ELOVL7: variants seen among roughly 807,000 people sequenced by gnomAD.
The protein encoded by ELOVL7 is very long chain fatty acid elongase 7.
In ELOVL7, 27 loss-of-function variants were observed where a neutral mutation model predicts 35.7. The ratio of observed to expected loss-of-function variants is 0.76; its 90% CI spans 0.56 to 1.04. The LOEUF (loss-of-function observed/expected upper bound fraction) is 1.04, where lower values mean the gene tolerates loss of function less well. ELOVL7 is among the 50% of genes least tolerant of loss of function. ELOVL7 has a pLI of 0.00. For missense variants in ELOVL7, 327 were observed against 340.8 expected (o/e 0.96, Z 0.32); for synonymous variants, 113 against 114.6 (o/e 0.99, Z 0.09).
intron 7 of ELOVL7, among the ~76,000 whole-genome samples, chr5:60,760,340 G>GT (rs1287176243): frequency 6.6e-5 from 10 of 152,196 alleles, no homozygotes; most frequent in African/African-American, 2.4e-4. Flanking sequence ...TCTAACTGGT[G>GT]TGAGACAGTA....
chr5:60,837,768 C>A (rs1380304496), intron 1 of ELOVL7, among the ~76,000 whole-genome samples: 1 of 152,136 alleles, frequency 6.6e-6, no homozygotes, highest in Admixed American at 6.5e-5. Flanking sequence ...CATGGACAAA[C>A]CCCGTCTCTA....
intron 1 of ELOVL7, among the ~76,000 whole-genome samples, chr5:60,842,686 T>C (rs954050268): frequency 6.6e-6 from 1 of 152,076 alleles, no homozygotes; most frequent in Non-Finnish European, 1.5e-5. Flanking sequence ...GGTTAACAGC[T>C]CCAGTGCTGG....
chr5:60,803,593 C>T (rs142728610), intron 1 of ELOVL7, among the ~76,000 whole-genome samples: 3 of 152,248 alleles, frequency 2.0e-5, no homozygotes, highest in African/African-American at 7.2e-5. Context: ...GTGCCATTGT[C>T]TCTCTGATAC....
chr5:60,840,588 C>T (rs1467720911), intron 1 of ELOVL7, among the ~76,000 whole-genome samples: 1 of 152,154 alleles, frequency 6.6e-6, no homozygotes, highest in East Asian at 1.9e-4. Context: ...TTTGTTATGG[C>T]AGCCTGAGGA....
intron 1 of ELOVL7, among the ~76,000 whole-genome samples, chr5:60,818,513 A>T (rs1745671273): frequency 6.6e-6 from 1 of 152,152 alleles, no homozygotes. Context: ...AAGCAATGAT[A>T]AGATACATGT....
At chr5:60,803,008 C>A (rs1033676406) in intron 1 of ELOVL7, among the ~76,000 whole-genome samples, 1 of 152,154 alleles carries the variant, frequency 6.6e-6, no homozygotes, top group South Asian at 2.1e-4. Context: ...TTCTCATACA[C>A]CTTTATTTAG....
At chr5:60,842,778 G>C (rs1187461570) in intron 1 of ELOVL7, among the ~76,000 whole-genome samples, 1 of 152,168 alleles carries the variant, frequency 6.6e-6, no homozygotes, top group Non-Finnish European at 1.5e-5. Flanking sequence ...CCGTGCCTCA[G>C]TTACCTCATC....
chr5:60,759,918 T>C (rs1354225717), intron 7 of ELOVL7, among the ~76,000 whole-genome samples: 2 of 152,288 alleles, frequency 1.3e-5, no homozygotes, highest in East Asian at 3.9e-4. Context: ...AATAGTTTAC[T>C]GAGAATGATG....
chr5:60,813,770 G>A (rs1264270862), intron 1 of ELOVL7, among the ~76,000 whole-genome samples: 1 of 152,120 alleles, frequency 6.6e-6, no homozygotes, highest in East Asian at 1.9e-4. Flanking sequence ...AAACTCGACA[G>A]GTAGATTGGG....
intron 7 of ELOVL7, among the ~76,000 whole-genome samples, chr5:60,759,685 T>A (rs1443901429): frequency 2.6e-5 from 4 of 151,874 alleles, no homozygotes; most frequent in Non-Finnish European, 5.9e-5. Context: ...ATGTGCACAA[T>A]GTGCAGGTTA....
chr5:60,833,281 T>C (rs983940472), intron 1 of ELOVL7, among the ~76,000 whole-genome samples: 5 of 152,180 alleles, frequency 3.3e-5, no homozygotes, highest in African/African-American at 1.2e-4. Context: ...CTCAACAGTA[T>C]AAGAGGTCAG....
At position 60,767,908 on chromosome 5, in the gene ELOVL7, A is replaced by C; in HGVS notation, c.256-5T>G. On this transcript the variant is annotated splice_region_variant and splice_polypyrimidine_tract_variant and intron_variant, in intron 4 of 8. Transcript: ENST00000508821. ...ACCCCAGCCAGACATCACAAACTGC[A>C]AGAGAGCACATGCATATTAAGAAAG... 1 of 1,611,516 alleles carries C rather than the reference A, an allele frequency of 6.2e-7. No individual in the cohort carries two copies. Among genetic ancestry groups the C allele is most frequent in the African/African-American group, 1.3e-5 (1 of 74,996 alleles).
intron 3 of ELOVL7, among the ~76,000 whole-genome samples, chr5:60,786,402 C>G (rs1476140271): frequency 1.3e-5 from 2 of 151,994 alleles, no homozygotes; most frequent in Non-Finnish European, 2.9e-5. Flanking sequence ...ATAATCCTAC[C>G]CAGAGATAAC....
At chr5:60,772,998 T>C (rs964039964) in intron 3 of ELOVL7, among the ~76,000 whole-genome samples, 4 of 152,170 alleles carry the variant, frequency 2.6e-5, no homozygotes, top group Non-Finnish European at 5.9e-5. Context: ...TTGGAGTCCA[T>C]GTGAGCTAAC....
chr5:60,764,811 A>G (rs1742139222), intron 6 of ELOVL7, among the ~76,000 whole-genome samples: 1 of 152,170 alleles, frequency 6.6e-6, no homozygotes, highest in Non-Finnish European at 1.5e-5. Flanking sequence ...TTAAAGAAAA[A>G]TGAAGGGAGA....
At chr5:60,797,449 TGGGTTACAAAA>T (rs1744331346) in intron 2 of ELOVL7, among the ~76,000 whole-genome samples, 1 of 152,190 alleles carries the variant, frequency 6.6e-6, no homozygotes, top group Non-Finnish European at 1.5e-5. Flanking sequence ...TCTTAGCTTT[TGGGTTACAAAA>T]GCTTAGGCAC....
chr5:60,791,858 G>T (rs1332980014), intron 2 of ELOVL7, among the ~76,000 whole-genome samples: 1 of 152,158 alleles, frequency 6.6e-6, no homozygotes, highest in Admixed American at 6.5e-5. Flanking sequence ...AGTTTTACAA[G>T]CCATGTGGCA....
chr5:60,821,658 A>T lies in ELOVL7; in HGVS notation c.-85-22428T>A, dbSNP rs369089152. Among the ~76,000 whole-genome samples, 17 of 152,364 alleles carry T rather than the reference A, an allele frequency of 1.1e-4. No individual in the cohort carries two copies. The South Asian group carries it at 3.3e-3, about 30-fold the overall frequency. On this transcript the variant is annotated intron_variant, in intron 1 of 8. Transcript: ENST00000508821. ...AAGCTGTCCCCTCTTCTACCATGGC[A>T]TCTATAGCAAACACTCTAGGACAGT... is the stretch of plus-strand genomic sequence containing the variant.
intron 7 of ELOVL7, among the ~76,000 whole-genome samples, chr5:60,758,517 A>G (rs1385300623): frequency 6.6e-6 from 1 of 152,202 alleles, no homozygotes; most frequent in Non-Finnish European, 1.5e-5. Flanking sequence ...GTAAATATCT[A>G]CTAACTGTGA....
Sources: allele counts gnomAD v4.1 joint callset (sites outside exome capture counted in the v4.1 genomes callset), GRCh38; gene constraint gnomAD v4.1.1; transcripts MANE v1.5; gene names NCBI Gene and HGNC (gene_info 2026-07-23, HGNC 2026-07-21).